The following ZRANB3 variants were observed in gnomAD, a reference collection of about 807,000 sequenced individuals.
ZRANB3 encodes DNA annealing helicase and endonuclease ZRANB3.
In ZRANB3, 125 loss-of-function variants were observed where a neutral mutation model predicts 133.8. That is an observed-to-expected ratio of 0.93 (90% CI 0.81 to 1.08). The LOEUF (loss-of-function observed/expected upper bound fraction) is 1.08. Ranked by LOEUF, ZRANB3 falls within the 50% of genes least tolerant of loss-of-function variation. The pLI is 0.00. For missense variants in ZRANB3, 1,229 were observed against 1,275.5 expected (o/e 0.96, Z 0.56); for synonymous variants, 387 against 432.7 (o/e 0.89, Z 1.31).
chr2:135,240,016 ATTAATAGAC>A (rs1482232345), intron 12 of ZRANB3, among the ~76,000 whole-genome samples: 4 of 151,800 alleles, frequency 2.6e-5, no homozygotes, highest in Non-Finnish European at 5.9e-5. Context: ...AAGCAGAGAG[ATTAATAGAC>A]TGATGAAGTT....
chr2:135,365,547 A>T lies in ZRANB3; in HGVS notation c.181-11919T>A, dbSNP rs1005294606. 6.4e-4 allele frequency among the ~76,000 whole-genome samples: 97 copies of T among 152,188 alleles called. 2 individuals carry two copies. Among genetic ancestry groups the T allele is most frequent in the Non-Finnish European group, 2.2e-4 (15 of 68,030 alleles). On this transcript the variant is annotated intron_variant, in intron 3 of 20. Transcript: ENST00000264159. ...CACAGTGAAAATATAACATATTCTT[A>T]AAAAAAGTGTATGAAAAATACTAAA...
intron 12 of ZRANB3, among the ~76,000 whole-genome samples, chr2:135,244,495 CT>C (rs1457495702): frequency 6.6e-6 from 1 of 152,076 alleles, no homozygotes; most frequent in Non-Finnish European, 1.5e-5. Flanking sequence ...GTAATCCCAG[CT>C]ACTCGGGAGG....
intron 6 of ZRANB3, among the ~76,000 whole-genome samples, chr2:135,316,939 C>T (rs1361823596): frequency 7.0e-6 from 1 of 142,444 alleles, no homozygotes; most frequent in African/African-American, 2.6e-5. Context: ...GCACTCCAGC[C>T]TGGTGACAGA....
At chr2:135,353,081 T>C (rs1429601017) in intron 4 of ZRANB3, among the ~76,000 whole-genome samples, 2 of 152,110 alleles carry the variant, frequency 1.3e-5, no homozygotes, top group African/African-American at 2.4e-5. Context: ...TCCACTGAAG[T>C]TGCTGATAAT....
At chr2:135,528,224 T>C (rs944313313) in intron 1 of ZRANB3, among the ~76,000 whole-genome samples, 1 of 151,914 alleles carries the variant, frequency 6.6e-6, no homozygotes. Flanking sequence ...TCACAGCTCA[T>C]TGCAGCTTTG....
At chr2:135,235,257 T>C (rs1695234571) in intron 12 of ZRANB3, among the ~76,000 whole-genome samples, 1 of 152,188 alleles carries the variant, frequency 6.6e-6, no homozygotes, top group African/African-American at 2.4e-5. Flanking sequence ...AATCTCTGAA[T>C]AGACCAATAA....
At chr2:135,528,465 C>G (rs954442578) in intron 1 of ZRANB3, among the ~76,000 whole-genome samples, 10 of 152,094 alleles carry the variant, frequency 6.6e-5, no homozygotes, top group African/African-American at 2.4e-4. Context: ...GTCTTATTTA[C>G]CTTCATTGAG....
intron 3 of ZRANB3, among the ~76,000 whole-genome samples, chr2:135,354,526 C>CA (rs1482636528): frequency 1.3e-5 from 2 of 152,258 alleles, no homozygotes; most frequent in East Asian, 3.9e-4. Flanking sequence ...GGATATAACT[C>CA]AAATGTACTT....
At chr2:135,314,200 ACAT>A (rs1683143852) in intron 7 of ZRANB3, among the ~76,000 whole-genome samples, 1 of 152,230 alleles carries the variant, frequency 6.6e-6, no homozygotes, top group African/African-American at 2.4e-5. Context: ...TGTAAAATGA[ACAT>A]AAGAAACATA....
intron 2 of ZRANB3, among the ~76,000 whole-genome samples, chr2:135,458,125 T>G (rs1164717695): frequency 1.3e-5 from 2 of 152,142 alleles, no homozygotes; most frequent in Non-Finnish European, 2.9e-5. Context: ...AGTTAACTAT[T>G]GTTGCGGCAC....
At chr2:135,403,531 G>C (rs1687847817) in intron 2 of ZRANB3, among the ~76,000 whole-genome samples, 1 of 152,222 alleles carries the variant, frequency 6.6e-6, no homozygotes, top group East Asian at 1.9e-4. Flanking sequence ...CCGGGGCAGG[G>C]CATTGCCAAA....
chr2:135,224,554 C>G, intron 14 of ZRANB3, 37 bp from the exon 15 acceptor site: 1 of 1,490,504 alleles, frequency 6.7e-7, no homozygotes, highest in Non-Finnish European at 9.3e-7. Flanking sequence ...GAAGGCTTAT[C>G]TACCCTCTAT....
intron 2 of ZRANB3, among the ~76,000 whole-genome samples, chr2:135,474,749 G>A (rs1038714444): frequency 2.0e-5 from 3 of 152,164 alleles, no homozygotes; most frequent in African/African-American, 7.2e-5. Flanking sequence ...CTAATGCAAG[G>A]ATGGATAATG....
chr2:135,522,005 C>G (rs1693965254), intron 1 of ZRANB3, among the ~76,000 whole-genome samples: 1 of 152,136 alleles, frequency 6.6e-6, no homozygotes, highest in Non-Finnish European at 1.5e-5. Context: ...TCTTTATGCT[C>G]CTAGAGCATA....
At chr2:135,426,684 C>T (rs1261095919) in intron 2 of ZRANB3, among the ~76,000 whole-genome samples, 1 of 149,554 alleles carries the variant, frequency 6.7e-6, no homozygotes, top group Non-Finnish European at 1.5e-5. Context: ...CAAAAAAATT[C>T]AGCCAGGCTT....
At chr2:135,452,957 T>C (rs1690339914) in intron 2 of ZRANB3, among the ~76,000 whole-genome samples, 1 of 152,226 alleles carries the variant, frequency 6.6e-6, no homozygotes, top group African/African-American at 2.4e-5. Flanking sequence ...CGACCCAACA[T>C]TTCCCTTCCA....
chr2:135,304,487 T>C (rs1394451185), intron 8 of ZRANB3, among the ~76,000 whole-genome samples: 1 of 152,208 alleles, frequency 6.6e-6, no homozygotes, highest in Non-Finnish European at 1.5e-5. Context: ...TTCACATTCA[T>C]TAAGAACACT....
At chr2:135,275,471 C>A (rs934415718) in intron 9 of ZRANB3, among the ~76,000 whole-genome samples, 165 bp downstream of exon 9, 2 of 152,056 alleles carry the variant, frequency 1.3e-5, no homozygotes, top group Non-Finnish European at 2.9e-5. Flanking sequence ...AGTATATAAT[C>A]ATCATCATAT....
chr2:135,509,180 T>C (rs1245149491), intron 1 of ZRANB3, among the ~76,000 whole-genome samples: 1 of 151,302 alleles, frequency 6.6e-6, no homozygotes, highest in Non-Finnish European at 1.5e-5. Context: ...GAAAAAAAAA[T>C]GTGGACAGGA....
Sources: gnomAD v4.1 joint callset for allele counts (sites outside exome capture counted in the v4.1 genomes callset) on GRCh38, gnomAD v4.1.1 for gene constraint, MANE v1.5 for transcripts, NCBI Gene and HGNC (gene_info 2026-07-23, HGNC 2026-07-21) for gene names.